Variants in KRABD3 observed in about 807,000 individuals in gnomAD.
The protein encoded by KRABD3 is KRAB domain containing 3.
At chr7:149,721,961 T>G in the KRABD3 span, 17 of 370,792 alleles carry the variant, frequency 4.6e-5, no homozygotes, top group Non-Finnish European at 8.2e-5. Flanking sequence ...TTTTAAAACT[T>G]CTCACAAATT....
chr7:149,730,221 C>T, the KRABD3 span: 39 of 1,571,214 alleles, frequency 2.5e-5, no homozygotes, highest in Middle Eastern at 1.7e-4. Flanking sequence ...AAGGCCCTTG[C>T]GCTTCGCCTG....
the KRABD3 span, chr7:149,725,296 G>A: frequency 2.6e-6 from 4 of 1,554,736 alleles, no homozygotes; most frequent in Non-Finnish European, 3.5e-6. Flanking sequence ...TGGTAACAGG[G>A]TGCTCTCTCC....
At chr7:149,715,110 C>G in the KRABD3 span, 4 of 1,230,942 alleles carry the variant, frequency 3.2e-6, no homozygotes, top group Non-Finnish European at 4.1e-6. Flanking sequence ...AGTGCGGCCC[C>G]GAAGGCGGTA....
the KRABD3 span, chr7:149,722,426 T>G: frequency 6.2e-7 from 1 of 1,605,590 alleles, no homozygotes; most frequent in Admixed American, 1.7e-5. Flanking sequence ...CAACAGAAAC[T>G]GCCGACAAAC....
chr7:149,726,738 T>A, the KRABD3 span, among the ~76,000 whole-genome samples: 1,929 of 152,080 alleles, frequency 0.013, 51 homozygotes, highest in African/African-American at 0.042. Context: ...GCGCCCAGCC[T>A]GTACAGAAGA....
At chr7:149,732,254 A>C in the KRABD3 span, among the ~76,000 whole-genome samples, 1 of 152,134 alleles carries the variant, frequency 6.6e-6, no homozygotes, top group African/African-American at 2.4e-5. The surrounding 1 kb of genome is among the most constrained non-coding windows in gnomAD (Gnocchi z 4.0). Context: ...TCCAGGCGCC[A>C]CCACTTTGCT....
At chr7:149,721,452 C>T in the KRABD3 span, 7 of 1,612,950 alleles carry the variant, frequency 4.3e-6, no homozygotes, top group Middle Eastern at 1.7e-4. Flanking sequence ...ACCAGCCAGC[C>T]CCACCTGGCC....
chr7:149,719,760 C>G, the KRABD3 span: 1 of 1,453,694 alleles, frequency 6.9e-7, no homozygotes, highest in Non-Finnish European at 9.3e-7. This position sits in a 1 kb window ranked among gnomAD's most constrained non-coding sequence, Gnocchi z 5.6. Context: ...CAGCCTTAGT[C>G]TTTCCACCTG....
At chr7:149,733,402 G>A in the KRABD3 span, 1 of 1,606,522 alleles carries the variant, frequency 6.2e-7, no homozygotes, top group South Asian at 1.1e-5. Flanking sequence ...AGCTGGATCG[G>A]CTCGCCACAG....
At chr7:149,731,262 G>T in the KRABD3 span, among the ~76,000 whole-genome samples, 2 of 152,208 alleles carry the variant, frequency 1.3e-5, no homozygotes, top group East Asian at 3.8e-4. Flanking sequence ...CCATTTACAG[G>T]CATTGGCCCT....
the KRABD3 span, among the ~76,000 whole-genome samples, chr7:149,726,550 G>A: frequency 2.6e-5 from 4 of 151,386 alleles, no homozygotes; most frequent in Admixed American, 6.6e-5. Context: ...CGATTCTCCT[G>A]CCACAGTCTC....
At chr7:149,715,800 G>A in the KRABD3 span, among the ~76,000 whole-genome samples, 1 of 152,162 alleles carries the variant, frequency 6.6e-6, no homozygotes, top group African/African-American at 2.4e-5. Flanking sequence ...AGAAGGGAGA[G>A]GCTAGGCAAA....
the KRABD3 span, chr7:149,721,552 A>G: frequency 6.2e-7 from 1 of 1,608,748 alleles, no homozygotes; most frequent in Non-Finnish European, 8.5e-7. Context: ...CTGACACAGC[A>G]GGGACAGGGA....
the KRABD3 span, chr7:149,724,579 A>G: frequency 5.1e-6 from 6 of 1,174,024 alleles, no homozygotes; most frequent in South Asian, 4.1e-5. Flanking sequence ...TCCTAACCCT[A>G]TAAAGGCCTC....
the KRABD3 span, among the ~76,000 whole-genome samples, chr7:149,728,994 G>A: frequency 2.2e-4 from 33 of 152,334 alleles, no homozygotes; most frequent in Non-Finnish European, 4.0e-4. Flanking sequence ...AGGGGTCCAC[G>A]CAGCTGGGTC....
At chr7:149,724,301 C>CGTGTTCCG in the KRABD3 span, among the ~76,000 whole-genome samples, 2 of 152,174 alleles carry the variant, frequency 1.3e-5, no homozygotes, top group Non-Finnish European at 2.9e-5. Flanking sequence ...CACAGGGGTT[C>CGTGTTCCG]GTGTTCCGTG....
chr7:149,718,874 A>G, the KRABD3 span, among the ~76,000 whole-genome samples: 1 of 152,214 alleles, frequency 6.6e-6, no homozygotes, highest in African/African-American at 2.4e-5. Flanking sequence ...AAAAAGCCAC[A>G]GGGTAGGAGG....
the KRABD3 span, chr7:149,724,872 CTGG>C: frequency 6.5e-7 from 1 of 1,528,588 alleles, no homozygotes; most frequent in Non-Finnish European, 8.8e-7. Flanking sequence ...ATTGGCTGCT[CTGG>C]TGGTCTTCCC....
At chr7:149,733,679 C>T in the KRABD3 span, 489 of 1,584,784 alleles carry the variant, frequency 3.1e-4, 1 homozygote, top group Non-Finnish European at 3.8e-4. Flanking sequence ...AGGGACCGCT[C>T]GCCGGGCACG....
Sources: gnomAD v4.1 joint callset for allele counts (sites outside exome capture counted in the v4.1 genomes callset) on GRCh38, gnomAD v4.1.1 for gene constraint, Gnocchi (gnomAD v3.1) non-coding constraint, MANE v1.5 for transcripts, NCBI Gene and HGNC (gene_info 2026-07-23, HGNC 2026-07-21) for gene names.